The following DCC variants were observed in gnomAD, a reference collection of about 807,000 sequenced individuals.
The protein encoded by DCC is netrin receptor DCC.
DCC carries 58 observed loss-of-function variants against 172.5 expected under a neutral mutation model. The ratio of observed to expected loss-of-function variants is 0.34; its 90% CI spans 0.27 to 0.42. The LOEUF (loss-of-function observed/expected upper bound fraction) is 0.42, where lower values mean the gene tolerates loss of function less well. DCC is among the 10% of genes least tolerant of loss of function. The pLI is 1.00. For synonymous variants in DCC, 709 were observed against 644.5 expected, an observed-to-expected ratio of 1.10 and a Z score of -1.52; for missense variants, 1,740 against 1,791.0, an observed-to-expected ratio of 0.97 and a Z score of 0.51.
At chr18:53,179,652 C>A (rs546036930) in intron 9 of DCC, among the ~76,000 whole-genome samples, 1 of 152,232 alleles carries the variant, frequency 6.6e-6, no homozygotes, top group South Asian at 2.1e-4. Context: ...TCACTAGATT[C>A]AGCTATGTTT....
At chr18:52,478,768 A>G (rs916328631) in intron 1 of DCC, among the ~76,000 whole-genome samples, 9 of 152,184 alleles carry the variant, frequency 5.9e-5, no homozygotes, top group Non-Finnish European at 1.2e-4. Context: ...AAATTCACTC[A>G]TTATCATGAG....
At chr18:52,905,916 G>A (rs1598916221) in intron 2 of DCC, 128 bp from the exon 3 acceptor site, 2 of 750,074 alleles carry the variant, frequency 2.7e-6, no homozygotes, top group Non-Finnish European at 4.6e-6. Flanking sequence ...AAGAGCAAAT[G>A]AGACGATATT....
intron 1 of DCC, among the ~76,000 whole-genome samples, chr18:52,634,032 G>T (rs1189351308): frequency 6.6e-6 from 1 of 152,226 alleles, no homozygotes. Context: ...TCAGGGAGAT[G>T]CAATAGGAGT....
At chr18:53,158,437 A>G (rs1442297298) in intron 8 of DCC, among the ~76,000 whole-genome samples, 1 of 152,180 alleles carries the variant, frequency 6.6e-6, no homozygotes, top group Non-Finnish European at 1.5e-5. Context: ...AGAAGCAGGG[A>G]TTCATGTCCT....
At chr18:52,871,734 T>TGG (rs1207413513) in intron 2 of DCC, among the ~76,000 whole-genome samples, 7 of 152,064 alleles carry the variant, frequency 4.6e-5, no homozygotes, top group African/African-American at 1.7e-4. Context: ...ACCCTCTTTG[T>TGG]GACAAAACAA....
At chr18:52,944,446 C>T (rs1366514441) in intron 5 of DCC, among the ~76,000 whole-genome samples, 1 of 152,128 alleles carries the variant, frequency 6.6e-6, no homozygotes, top group African/African-American at 2.4e-5. Flanking sequence ...AAATCTGAGC[C>T]TAAAGGCACA....
intron 5 of DCC, among the ~76,000 whole-genome samples, chr18:52,937,394 T>C (rs1598949023): frequency 6.6e-6 from 1 of 152,286 alleles, no homozygotes; most frequent in East Asian, 1.9e-4. Context: ...TACCTCCTCA[T>C]TCCCTTCCAT....
At chr18:52,675,639 T>G (rs958420284) in intron 1 of DCC, among the ~76,000 whole-genome samples, 1 of 152,178 alleles carries the variant, frequency 6.6e-6, no homozygotes, top group Non-Finnish European at 1.5e-5. Flanking sequence ...CTTCAAATAT[T>G]TGACAGAGTT....
chr18:52,525,665 T>C (rs2031960306), intron 1 of DCC, among the ~76,000 whole-genome samples: 1 of 152,200 alleles, frequency 6.6e-6, no homozygotes, highest in Admixed American at 6.5e-5. Context: ...TAAATATGGT[T>C]GATTAAAAAT....
chr18:52,610,723 A>G (rs192456662), intron 1 of DCC, among the ~76,000 whole-genome samples: 10 of 152,300 alleles, frequency 6.6e-5, no homozygotes, highest in African/African-American at 2.4e-4. Flanking sequence ...CATCTAGACA[A>G]TATGTAAATG....
intron 2 of DCC, chr18:52,759,052 G>C (rs2037118813): frequency 1.3e-5 from 2 of 152,080 alleles, no homozygotes; most frequent in African/African-American, 4.8e-5. Flanking sequence ...TAAAGCATGA[G>C]AGAAAGAAAA....
chr18:53,080,227 T>C lies in DCC; in HGVS notation c.1261+14061T>C, dbSNP rs7244749. Reference sequence around the variant, plus strand: ...TGAATATGTGCAGGTGGATTAGGAATTGGGGCTGTTTCCTAAATTCTTGAC... The same window carrying C: ...TGAATATGTGCAGGTGGATTAGGAACTGGGGCTGTTTCCTAAATTCTTGAC... On this transcript the variant is annotated intron_variant, in intron 7 of 28. Coordinates refer to ENST00000442544, the MANE Select transcript of DCC (RefSeq NM_005215.4). Among the ~76,000 whole-genome samples, 1,282 of 152,124 alleles carry C rather than the reference T, an allele frequency of 8.4e-3. 18 individuals carry two copies. Among genetic ancestry groups the C allele is most frequent in the African/African-American group, 0.029 (1,195 of 41,524 alleles).
chr18:52,821,182 T>G (rs564365657), intron 2 of DCC, among the ~76,000 whole-genome samples: 1 of 152,260 alleles, frequency 6.6e-6, no homozygotes, highest in South Asian at 2.1e-4. Context: ...TCTTTCAACA[T>G]CAAACCTACT....
At chr18:53,201,964 A>G (rs1481811901) in intron 9 of DCC, among the ~76,000 whole-genome samples, 1 of 152,192 alleles carries the variant, frequency 6.6e-6, no homozygotes, top group Non-Finnish European at 1.5e-5. Flanking sequence ...AATGGGATGC[A>G]TTACTTTGGA....
intron 1 of DCC, among the ~76,000 whole-genome samples, chr18:52,393,020 C>G (rs372209489): frequency 6.6e-6 from 1 of 152,060 alleles, no homozygotes; most frequent in Non-Finnish European, 1.5e-5. Flanking sequence ...AGGGCCAGTA[C>G]TAGGCTAATC....
chr18:53,357,388 C>T (rs2057889308), intron 15 of DCC, among the ~76,000 whole-genome samples: 1 of 152,112 alleles, frequency 6.6e-6, no homozygotes, highest in Admixed American at 6.6e-5. Flanking sequence ...ATGTTAACTT[C>T]AGCATCTCCC....
intron 2 of DCC, among the ~76,000 whole-genome samples, chr18:52,788,235 T>G (rs1245755941): frequency 6.6e-6 from 1 of 152,210 alleles, no homozygotes; most frequent in African/African-American, 2.4e-5. Flanking sequence ...TTATAATCTT[T>G]TACTAAAAGA....
intron 1 of DCC, among the ~76,000 whole-genome samples, chr18:52,400,558 C>A (rs909989955): frequency 6.6e-6 from 1 of 151,772 alleles, no homozygotes; most frequent in Non-Finnish European, 1.5e-5. Context: ...GATCTAGAAC[C>A]AGAAATACCA....
chr18:52,483,815 C>A (rs983154155), intron 1 of DCC, among the ~76,000 whole-genome samples: 2 of 152,012 alleles, frequency 1.3e-5, no homozygotes, highest in Non-Finnish European at 2.9e-5. Context: ...GTTCTGATCT[C>A]TCTTTCTGGA....
Sources: gnomAD v4.1 joint callset for allele counts (sites outside exome capture counted in the v4.1 genomes callset) on GRCh38, gnomAD v4.1.1 for gene constraint, MANE v1.5 for transcripts, NCBI Gene and HGNC (gene_info 2026-07-23, HGNC 2026-07-21) for gene names.